ACOT1: variants seen among roughly 807,000 people sequenced by gnomAD.
The protein encoded by ACOT1 is acyl-coenzyme A thioesterase 1.
Under a neutral mutation model 15.7 loss-of-function variants are expected in ACOT1, and 8 were observed. That is an observed-to-expected ratio of 0.51 (90% CI 0.30 to 0.92). The LOEUF is 0.92. Among genes scored for constraint, ACOT1 ranks in the 40% least tolerant of loss-of-function variants. The pLI is 0.06. For synonymous variants in ACOT1, 67 were observed against 241.2 expected (o/e 0.28, Z 6.69); for missense variants, 151 against 539.4 (o/e 0.28, Z 7.13).
the ACOT1 span, chr14:73,509,169 A>G: frequency 1.1e-5 from 9 of 821,118 alleles, no homozygotes; most frequent in South Asian, 3.4e-5. Context: ...GTCTGGTCCT[A>G]ATTTTCAAAT....
chr14:73,526,793 A>G, the ACOT1 span, among the ~76,000 whole-genome samples: 1 of 152,210 alleles, frequency 6.6e-6, no homozygotes, highest in Non-Finnish European at 1.5e-5. Flanking sequence ...AGTGGTAGCT[A>G]AGCAGTTCTG....
upstream of ACOT1, among the ~76,000 whole-genome samples, chr14:73,535,469 C>CTTTTTTTTTTTTTTTTT (rs869167008): frequency 1.5e-3 from 24 of 16,534 alleles, 3 homozygotes; most frequent in Non-Finnish European, 5.8e-3. Context: ...TTTCTTCTTT[C>CTTTTTTTTTTTTTTTTT]TTTTTTTTTT....
At chr14:73,496,773 C>T in the ACOT1 span, 1 of 725,366 alleles carries the variant, frequency 1.4e-6, no homozygotes, top group East Asian at 2.5e-5. Flanking sequence ...AGGTAAGAAT[C>T]CCAAGTTCCA....
At chr14:73,520,889 G>A in the ACOT1 span, 1 of 1,614,092 alleles carries the variant, frequency 6.2e-7, no homozygotes, top group East Asian at 2.2e-5. Context: ...TGTCTGTGGA[G>A]TAGGCAAACT....
chr14:73,493,552 T>A, the ACOT1 span, among the ~76,000 whole-genome samples: 2 of 152,006 alleles, frequency 1.3e-5, no homozygotes, highest in Non-Finnish European at 2.9e-5. Context: ...AGGAAGAGAC[T>A]CTCAGGCTGG....
the ACOT1 span, chr14:73,492,694 G>A: frequency 6.2e-7 from 1 of 1,613,876 alleles, no homozygotes; most frequent in African/African-American, 1.3e-5. This position sits in a 1 kb window ranked among gnomAD's most constrained non-coding sequence, Gnocchi z 4.9. Flanking sequence ...CTCGGCTGGT[G>A]GGTGAGGGGG....
rs536882531 is a variant in ACOT1 at position 73,542,922 on chromosome 14, C to G, written c.661-128C>G. 2.0e-6 allele frequency: 2 copies of G among 1,011,732 alleles called. 1 individual carries two copies. The highest frequency in any genetic ancestry group is 3.4e-5 in the South Asian group (2 of 58,690). 62.7% of individuals were successfully genotyped at this position (1,011,732 alleles called of 1,614,324 possible). On this transcript the variant is annotated intron_variant, in intron 2 of 2. Coordinates refer to ENST00000311148, the MANE Select transcript of ACOT1 (RefSeq NM_001037161.2). Reference sequence around the variant, plus strand: ...GAGGGGAGGTAAATTCCCAAAGCTGCAAATCTGGGTAAATGGTAGAACCCA... The same window carrying G: ...GAGGGGAGGTAAATTCCCAAAGCTGGAAATCTGGGTAAATGGTAGAACCCA...
the ACOT1 span, chr14:73,522,413 C>T: frequency 6.8e-6 from 11 of 1,614,112 alleles, no homozygotes; most frequent in African/African-American, 5.3e-5. Flanking sequence ...AAGCTCATCC[C>T]GAATGTGACT....
chr14:73,505,596 A>G, the ACOT1 span, among the ~76,000 whole-genome samples: 13 of 151,856 alleles, frequency 8.6e-5, no homozygotes, highest in Non-Finnish European at 1.9e-4. Flanking sequence ...GGATTTCACT[A>G]TGTTGGCCAG....
the ACOT1 span, chr14:73,492,411 A>C: frequency 6.2e-7 from 1 of 1,613,804 alleles, no homozygotes; most frequent in Non-Finnish European, 8.5e-7. The surrounding 1 kb of genome is among the most constrained non-coding windows in gnomAD (Gnocchi z 4.9). Context: ...ATGGGGGCCC[A>C]GCATTCAGAT....
At chr14:73,512,508 A>C in the ACOT1 span, among the ~76,000 whole-genome samples, 1 of 152,220 alleles carries the variant, frequency 6.6e-6, no homozygotes, top group Non-Finnish European at 1.5e-5. Flanking sequence ...TAGCTGTGTG[A>C]CTGTGGATAA....
At chr14:73,529,516 T>C in the ACOT1 span, among the ~76,000 whole-genome samples, 1 of 152,110 alleles carries the variant, frequency 6.6e-6, no homozygotes, top group Non-Finnish European at 1.5e-5. Context: ...AGTTAAAACC[T>C]GATGAACTTC....
the ACOT1 span, among the ~76,000 whole-genome samples, chr14:73,513,855 A>T: frequency 6.6e-6 from 1 of 151,782 alleles, no homozygotes; most frequent in African/African-American, 2.4e-5. Context: ...ATATATGTTA[A>T]CTGAAGTTCA....
the ACOT1 span, among the ~76,000 whole-genome samples, chr14:73,509,876 AT>A: frequency 2.4e-5 from 2 of 82,266 alleles, no homozygotes; most frequent in African/African-American, 8.9e-5. Flanking sequence ...ATATTTATTT[AT>A]TTTATATATT....
chr14:73,505,466 G>C, the ACOT1 span, among the ~76,000 whole-genome samples: 41 of 151,622 alleles, frequency 2.7e-4, no homozygotes, highest in African/African-American at 9.9e-4. Flanking sequence ...GTGCGATCTC[G>C]GCTCACTGCA....
the ACOT1 span, chr14:73,522,138 G>A: frequency 1.1e-6 from 1 of 929,020 alleles, no homozygotes; most frequent in South Asian, 1.6e-5. Flanking sequence ...AGCTCTCAGA[G>A]AGCAGGCCGG....
At chr14:73,519,185 A>G in the ACOT1 span, 1 of 1,605,574 alleles carries the variant, frequency 6.2e-7, no homozygotes, top group Non-Finnish European at 8.5e-7. Context: ...CAAAGAAACA[A>G]TGAGTCCCCT....
At chr14:73,493,015 T>C in the ACOT1 span, 16 of 1,572,508 alleles carry the variant, frequency 1.0e-5, no homozygotes, top group East Asian at 2.2e-5. Context: ...TTTTTTTTTT[T>C]CCTTAAACTC....
Position 73,537,783 on chromosome 14 carries a change from G to A in ACOT1, c.362G>A (p.Cys121Tyr). 1 of 1,229,482 alleles carries A rather than the reference G, an allele frequency of 8.1e-7. No individual in the cohort carries two copies. Among genetic ancestry groups the A allele is most frequent in the Non-Finnish European group, 1.1e-6 (1 of 932,030 alleles). 76.2% of individuals were successfully genotyped at this position (1,229,482 alleles called of 1,614,324 possible). A position where few individuals can be genotyped will look rare whatever the true frequency, so the allele number is the denominator to read the frequency against. The stretch of plus-strand genomic sequence containing the variant: ...GACCCCGACCCCGGGCGGCTGCTGT[G>A]CCGGGTGCGGCACGAGCGCTACTTC... ...GHDPDPGRLL[C>Y]RVRHERYFLP... Residue 121 changes from cysteine to tyrosine, a missense_variant, in exon 1 of 3, where the codon TGC (cysteine) becomes TAC (tyrosine). By Grantham distance (194) the Cys-to-Tyr change is radical. Transcript: ENST00000311148.
Sources: gnomAD v4.1 joint callset for allele counts (sites outside exome capture counted in the v4.1 genomes callset) on GRCh38, gnomAD v4.1.1 for gene constraint, Gnocchi (gnomAD v3.1) non-coding constraint, MANE v1.5 for transcripts, NCBI Gene and HGNC (gene_info 2026-07-23, HGNC 2026-07-21) for gene names.